The following LIX1L variants were observed in gnomAD, a reference collection of about 807,000 sequenced individuals.
LIX1L encodes the protein limb and CNS expressed 1 like, also known as LIX1-like protein.
Under a neutral mutation model 34.0 loss-of-function variants are expected in LIX1L, and 20 were observed. The observed-to-expected ratio is 0.59, with a 90% CI of 0.41 to 0.85. The LOEUF is 0.85. LIX1L is among the 40% of genes least tolerant of loss of function. The pLI, the probability that LIX1L is intolerant of heterozygous loss-of-function variation, is 0.00. For missense variants in LIX1L, 397 were observed against 447.0 expected (o/e 0.89, Z 1.01); for synonymous variants, 170 against 187.4 (o/e 0.91, Z 0.76).
intron 2 of LIX1L, 113 bp from the exon 3 acceptor site, chr1:145,942,966 A>G: frequency 9.6e-7 from 1 of 1,045,094 alleles, no homozygotes; most frequent in Non-Finnish European, 1.4e-6. Flanking sequence ...CTTTGGATAA[A>G]TCAGTTGTGT....
At position 145,957,756 on chromosome 1, in the gene LIX1L, G is replaced by A; in HGVS notation, c.172C>T (p.Leu58=). ...AGGGGTAGTCCTGGGGCCCCAGACA[G>A]GAGCAGCGGCGGCGGGGGCGGTGCG... ...PPAPPPPPLL[L]SGAPGLPLPP... The change falls in exon 1 of 6, where the codon CTG becomes TTG. Residue 58 remains leucine, a synonymous_variant. Transcript: ENST00000604000. 7.3e-7 allele frequency: 1 copy of A among 1,372,056 alleles called. No homozygotes were observed. Among genetic ancestry groups the A allele is most frequent in the Non-Finnish European group, 9.3e-7 (1 of 1,070,592 alleles). The allele number at this position is 1,372,056 out of a possible 1,614,324, so 85.0% of individuals were successfully genotyped here. A position where few individuals can be genotyped will look rare whatever the true frequency, so the allele number is the denominator to read the frequency against.
At chr1:145,953,122 C>G (rs1649360270) in intron 1 of LIX1L, among the ~76,000 whole-genome samples, 1 of 151,816 alleles carries the variant, frequency 6.6e-6, no homozygotes, top group Non-Finnish European at 1.5e-5. Flanking sequence ...CACTATGTTG[C>G]CCAGGCTGGT....
intron 2 of LIX1L, chr1:145,947,001 A>G (rs1460721311): frequency 3.3e-5 from 5 of 152,254 alleles, no homozygotes; most frequent in Non-Finnish European, 5.9e-5. Context: ...AATGGCAACC[A>G]TTCTTTTCAT....
intron 3 of LIX1L, among the ~76,000 whole-genome samples, chr1:145,939,604 G>A: frequency 6.6e-6 from 1 of 150,922 alleles, no homozygotes; most frequent in South Asian, 2.1e-4. Flanking sequence ...TCAGCGCCCA[G>A]CCAGGAACCA....
At chr1:145,943,660 A>G (rs184129749) in intron 2 of LIX1L, among the ~76,000 whole-genome samples, 25 of 152,278 alleles carry the variant, frequency 1.6e-4, no homozygotes, top group African/African-American at 6.0e-4. Context: ...ATTCATCTTT[A>G]TTGGCTGTCT....
Position 145,957,837 on chromosome 1 carries a change from C to T in LIX1L, c.91G>A (p.Ala31Thr). 4 of 1,417,894 alleles carry T rather than the reference C, an allele frequency of 2.8e-6. No homozygotes were observed. Among genetic ancestry groups the T allele is most frequent in the Non-Finnish European group, 2.8e-6 (3 of 1,087,092 alleles). 87.8% of individuals were successfully genotyped at this position (1,417,894 alleles called of 1,614,324 possible). Reference protein sequence around the residue: ...LRALRPGVTGAAAATATPPAG... With the variant: ...LRALRPGVTGTAAATATPPAG... ...GGGGGTGTGGCGGTGGCGGCCGCGG[C>T]CCCAGTCACTCCGGGCCGCAGCGCT... Residue 31 changes from alanine to threonine, a missense_variant, in exon 1 of 6, where the codon GCC becomes ACC. Physicochemically the swap from Ala to Thr is moderately conservative, Grantham distance 58. Coordinates refer to ENST00000604000, the MANE Select transcript of LIX1L (RefSeq NM_153713.3).
At chr1:145,938,777 G>A (rs1553758171) in intron 3 of LIX1L, among the ~76,000 whole-genome samples, 1 of 151,886 alleles carries the variant, frequency 6.6e-6, no homozygotes, top group Admixed American at 6.6e-5. Context: ...TAGTGGAGAC[G>A]GGGTTTCACC....
chr1:145,937,406 G>T lies in LIX1L; in HGVS notation c.693+198C>A, dbSNP rs1360096735. ...ACTCCTGGCCTCAAGTGATCCACCC[G>T]CCTCAGCCTCCCAAAGTGCTGGGAT... On this transcript the variant is annotated intron_variant, in intron 4 of 5. Coordinates refer to ENST00000604000, the MANE Select transcript of LIX1L (RefSeq NM_153713.3). 1.2e-5 allele frequency: 5 copies of T among 422,096 alleles called. No individual in the cohort carries two copies. In the East Asian group the frequency reaches 2.1e-4, roughly 18 times the overall value. The allele number at this position is 422,096 out of a possible 1,614,324, so 26.1% of individuals were successfully genotyped here.
At chr1:145,937,849 CAGG>C in intron 3 of LIX1L, 150 bp from the exon 4 acceptor site, 1 of 608,254 alleles carries the variant, frequency 1.6e-6, no homozygotes, top group Non-Finnish European at 3.0e-6. Context: ...GAGGTAAGTC[CAGG>C]TGCAGTGGCT....
At chr1:145,952,442 C>T (rs1553759901) in intron 1 of LIX1L, among the ~76,000 whole-genome samples, 1 of 152,050 alleles carries the variant, frequency 6.6e-6, no homozygotes, top group East Asian at 1.9e-4. Flanking sequence ...ATTGTTTTCT[C>T]AAAGTCTCTC....
In LIX1L at chr1:145,957,629, G is replaced by T; in HGVS notation, c.292+7C>A. The T allele has an allele frequency of 6.6e-7, 1 of 1,523,976 alleles. No individual in the cohort carries two copies. 94.4% of individuals were successfully genotyped at this position (1,523,976 alleles called of 1,614,324 possible). The stretch of plus-strand genomic sequence containing the variant: ...TGTCGCGCAGGAGGCCAGACCCGCA[G>T]ACTCACCTCGGCCATAGCCCTGCGT... On this transcript the variant is annotated splice_region_variant and intron_variant, in intron 1 of 5. Coordinates refer to ENST00000604000, the MANE Select transcript of LIX1L (RefSeq NM_153713.3).
intron 2 of LIX1L, among the ~76,000 whole-genome samples, chr1:145,945,452 A>G (rs1449385151): frequency 1.3e-4 from 20 of 152,274 alleles, no homozygotes; most frequent in African/African-American, 4.6e-4. Context: ...GGTGGGAAGA[A>G]GAAGGAAAGA....
intron 2 of LIX1L, among the ~76,000 whole-genome samples, chr1:145,943,798 G>A (rs1388284549): frequency 6.6e-6 from 1 of 152,016 alleles, no homozygotes; most frequent in Non-Finnish European, 1.5e-5. Context: ...CACTTTGGGA[G>A]GCCAAGGCAG....
intron 1 of LIX1L, among the ~76,000 whole-genome samples, chr1:145,952,998 A>G (rs1570973034): frequency 6.6e-6 from 1 of 152,018 alleles, no homozygotes; most frequent in African/African-American, 2.4e-5. Context: ...TGCAGCCTTG[A>G]CTTCCTGGGT....
chr1:145,957,099 G>A (rs375293898), intron 1 of LIX1L, among the ~76,000 whole-genome samples: 2 of 152,336 alleles, frequency 1.3e-5, no homozygotes, highest in East Asian at 3.9e-4. Flanking sequence ...AGTGACTTGT[G>A]AAGGCACTAC....
chr1:145,954,353 G>A (rs1649399021), intron 1 of LIX1L, among the ~76,000 whole-genome samples: 1 of 152,128 alleles, frequency 6.6e-6, no homozygotes, highest in African/African-American at 2.4e-5. Flanking sequence ...GCAGCCACAG[G>A]AAACTAATAT....
At chr1:145,937,551 C>T (rs1648708652) in intron 4 of LIX1L, 53 bp downstream of exon 4, 3 of 1,062,336 alleles carry the variant, frequency 2.8e-6, no homozygotes, top group Admixed American at 1.8e-5. Context: ...TTATATATTA[C>T]AGTAGCAGGC....
chr1:145,937,403 C>T (rs587684920), intron 4 of LIX1L: 46 of 418,660 alleles, frequency 1.1e-4, no homozygotes, highest in African/African-American at 9.1e-4. Context: ...AAGTGATCCA[C>T]CCGCCTCAGC....
At chr1:145,939,462 T>C (rs1242586994) in intron 3 of LIX1L, among the ~76,000 whole-genome samples, 1 of 151,746 alleles carries the variant, frequency 6.6e-6, no homozygotes, top group African/African-American at 2.4e-5. Flanking sequence ...TGCACTACCA[T>C]GCCTGGCTAA....
Sources: allele counts gnomAD v4.1 joint callset (sites outside exome capture counted in the v4.1 genomes callset), GRCh38; gene constraint gnomAD v4.1.1; transcripts MANE v1.5; gene names NCBI Gene and HGNC (gene_info 2026-07-23, HGNC 2026-07-21).